SCAP: variants seen among roughly 807,000 people sequenced by gnomAD.
SCAP encodes the protein SREBF chaperone.
In SCAP, 65 loss-of-function variants were observed where a neutral mutation model predicts 123.6. The ratio of observed to expected loss-of-function variants is 0.53; its 90% CI spans 0.43 to 0.65. The LOEUF is 0.65. Ranked by LOEUF, SCAP falls within the 30% of genes least tolerant of loss-of-function variation. The probability of loss-of-function intolerance (pLI) is 0.00; values close to 1 mark genes in which losing one functional copy is unlikely to be tolerated. For synonymous variants in SCAP, 740 were observed against 726.3 expected (o/e 1.02, Z -0.30); for missense variants, 1,398 against 1,712.5 (o/e 0.82, Z 3.24).
intron 1 of SCAP, among the ~76,000 whole-genome samples, chr3:47,473,933 TAG>T (rs1320535634): frequency 6.6e-6 from 1 of 152,034 alleles, no homozygotes; most frequent in African/African-American, 2.4e-5. Context: ...CGGAGATCTC[TAG>T]AGAGGGGGCG....
intron 4 of SCAP, 25 bp from the exon 5 acceptor site, chr3:47,427,692 C>G: frequency 6.2e-7 from 1 of 1,601,472 alleles, no homozygotes. Flanking sequence ...GGACAAGGCA[C>G]CTGCTGTGTC....
At chr3:47,435,575 G>A (rs1706547352) in intron 2 of SCAP, among the ~76,000 whole-genome samples, 1 of 151,302 alleles carries the variant, frequency 6.6e-6, no homozygotes, top group Admixed American at 6.6e-5. Flanking sequence ...AGTGGAGACG[G>A]GGTTTCATCA....
intron 2 of SCAP, among the ~76,000 whole-genome samples, chr3:47,437,483 G>A (rs375612610): frequency 6.7e-6 from 1 of 148,822 alleles, no homozygotes; most frequent in Non-Finnish European, 1.5e-5. Flanking sequence ...GCTCATGCCT[G>A]TAATCCCAGC....
intron 1 of SCAP, among the ~76,000 whole-genome samples, chr3:47,456,636 A>T (rs1707434775): frequency 6.6e-6 from 1 of 151,664 alleles, no homozygotes; most frequent in Non-Finnish European, 1.5e-5. Flanking sequence ...GTGGTGGTAC[A>T]CGCCTGTAGT....
At chr3:47,448,570 T>C (rs1376188417) in intron 1 of SCAP, among the ~76,000 whole-genome samples, 1 of 152,148 alleles carries the variant, frequency 6.6e-6, no homozygotes, top group African/African-American at 2.4e-5. Flanking sequence ...TTTTTCATTT[T>C]ATTTCGATCT....
At chr3:47,468,863 T>TA (rs1707930194) in intron 1 of SCAP, among the ~76,000 whole-genome samples, 1 of 152,224 alleles carries the variant, frequency 6.6e-6, no homozygotes, top group Non-Finnish European at 1.5e-5. Context: ...GTCTAACATT[T>TA]AAGTCTTTAA....
chr3:47,457,167 T>C lies in SCAP; in HGVS notation c.-98-14076A>G, dbSNP rs1300303097. ...CACAAAACACCTGGGAATGGACACA[T>C]GAGAAGTGGCAGCACCAGCAGCCTC... On this transcript the variant is annotated intron_variant, in intron 1 of 22. Coordinates refer to ENST00000265565, the MANE Select transcript of SCAP (RefSeq NM_012235.4). Among the ~76,000 whole-genome samples, 3 of 152,302 alleles carry C rather than the reference T, an allele frequency of 2.0e-5. No homozygotes were observed. The East Asian group carries it at 5.8e-4, about 29-fold the overall frequency.
intron 1 of SCAP, among the ~76,000 whole-genome samples, chr3:47,452,963 G>A (rs1256276016): frequency 6.6e-6 from 1 of 151,946 alleles, no homozygotes; most frequent in East Asian, 1.9e-4. Flanking sequence ...AATTGTGGTG[G>A]CTCATGACTG....
Position 47,417,567 on chromosome 3 carries a change from G to A in SCAP, c.2707C>T (p.Arg903Cys), listed in dbSNP as rs376908189. ...TCATAGCCTGGGGAGTCCCGAGAGC[G>A]GCCACAGACCGCCCGGTGCCGGGGC... ...PEPRHRAVCG[R>C]SRDSPGYDFS... is the part of the protein sequence containing the mutation. Residue 903 changes from arginine (R) to cysteine (C), a missense_variant, in exon 17 of 23, where the codon CGC becomes TGC. Arg to Cys is a radical substitution (Grantham distance 180). Around this residue, in one of 7 missense-constraint regions of SCAP, gnomAD observed 828 missense variants for 882.5 expected, o/e 0.94. Coordinates refer to ENST00000265565, the MANE Select transcript of SCAP (RefSeq NM_012235.4). The A allele has an allele frequency of 6.6e-5, 104 of 1,587,594 alleles. No individual in the cohort carries two copies. Among genetic ancestry groups the A allele is most frequent in the Middle Eastern group, 3.4e-4 (2 of 5,970 alleles).
In SCAP at chr3:47,419,221, G is replaced by T; in HGVS notation, c.1940+107C>A. ...TTCCCACCTCACAACCTTATGAACT[G>T]TTTTAATTATTTGCATAATTCAAAC... On this transcript the variant is annotated intron_variant, in intron 13 of 22. Transcript: ENST00000265565. This position sits in a 1 kb window ranked among gnomAD's most constrained non-coding sequence, Gnocchi z 5.0. 1 of 1,402,884 alleles carries T rather than the reference G, an allele frequency of 7.1e-7. No homozygotes were observed. The highest frequency in any genetic ancestry group is 9.6e-7 in the Non-Finnish European group (1 of 1,038,006). The allele number at this position is 1,402,884 out of a possible 1,614,324, so 86.9% of individuals were successfully genotyped here. A position where few individuals can be genotyped will look rare whatever the true frequency, so the allele number is the denominator to read the frequency against.
chr3:47,417,382 G>A lies in SCAP; in HGVS notation c.2892C>T (p.Pro964=), dbSNP rs763905007. The change falls in exon 17 of 23, where the codon CCC becomes CCT. Residue 964 remains proline, a synonymous_variant. Coordinates refer to ENST00000265565, the MANE Select transcript of SCAP (RefSeq NM_012235.4). ...AGCTCCAGATGGAACCCTCGGCACT[G>A]GGGGCCCAGGCGAGGGAAGGGGAGC... ...EKGSPSLAWA[P]SAEGSIWSLE... 1.2e-6 allele frequency: 2 copies of A among 1,602,390 alleles called. No individual in the cohort carries two copies. Among genetic ancestry groups the A allele is most frequent in the African/African-American group, 2.7e-5 (2 of 74,544 alleles).
At chr3:47,459,909 CA>C in intron 1 of SCAP, among the ~76,000 whole-genome samples, 1 of 152,278 alleles carries the variant, frequency 6.6e-6, no homozygotes, top group South Asian at 2.1e-4. Flanking sequence ...GTCCTTATCT[CA>C]ACCGCATAAG....
intron 1 of SCAP, among the ~76,000 whole-genome samples, chr3:47,463,494 G>C (rs1020419144): frequency 6.6e-6 from 1 of 152,150 alleles, no homozygotes; most frequent in Non-Finnish European, 1.5e-5. Flanking sequence ...TTGAGGTCAG[G>C]AGTTTGAGAC....
intron 1 of SCAP, among the ~76,000 whole-genome samples, chr3:47,456,227 A>T (rs1449797782): frequency 1.3e-5 from 2 of 151,936 alleles, no homozygotes; most frequent in Non-Finnish European, 2.9e-5. Context: ...ACATGGCAAA[A>T]CCCTTCTCTA....
chr3:47,438,115 A>T (rs1278586744), intron 2 of SCAP, among the ~76,000 whole-genome samples: 7 of 152,310 alleles, frequency 4.6e-5, no homozygotes, highest in Middle Eastern at 3.4e-3. Context: ...AGAAACAATT[A>T]AAAAAATTAT....
At chr3:47,457,078 C>A (rs1388122619) in intron 1 of SCAP, among the ~76,000 whole-genome samples, 1 of 152,076 alleles carries the variant, frequency 6.6e-6, no homozygotes, top group African/African-American at 2.4e-5. Flanking sequence ...GAGAAAAAAG[C>A]AAGGGAGCAG....
In SCAP at chr3:47,451,221, C is replaced by A. The variant is rs556086984; in HGVS notation, c.-98-8130G>T. Among the ~76,000 whole-genome samples the A allele has an allele frequency of 1.6e-5, 2 of 123,020 alleles. 1 individual carries two copies. The highest frequency in any genetic ancestry group is 6.1e-4 in the South Asian group (2 of 3,266). 80.7% of individuals were successfully genotyped at this position (123,020 alleles called of 152,430 possible). On this transcript the variant is annotated intron_variant, in intron 1 of 22. Coordinates refer to ENST00000265565, the MANE Select transcript of SCAP (RefSeq NM_012235.4). Reference sequence around the variant, plus strand: ...AAGCACACAAATTATAAGCACACAGCTCCATGAATTACCACCAAGTAAACA... The same window carrying A: ...AAGCACACAAATTATAAGCACACAGATCCATGAATTACCACCAAGTAAACA...
rs950865068 is a variant in SCAP at position 47,420,054 on chromosome 3, C to T, written c.1564-350G>A. Among the ~76,000 whole-genome samples the T allele has an allele frequency of 6.6e-6, 1 of 152,204 alleles. No homozygotes were observed. Among genetic ancestry groups the T allele is most frequent in the African/African-American group, 2.4e-5 (1 of 41,442 alleles). ...TTCCTACGGTCAGAGGGCCAGCAAC[C>T]TGACCTGCTCCAGAGTCCCCCAGAG... On this transcript the variant is annotated intron_variant, in intron 12 of 22. Coordinates refer to ENST00000265565, the MANE Select transcript of SCAP (RefSeq NM_012235.4). The surrounding 1 kb of genome is among the most constrained non-coding windows in gnomAD (Gnocchi z 5.0).
chr3:47,419,598 G>A lies in SCAP; in HGVS notation c.1670C>T (p.Ala557Val). 5 of 1,606,342 alleles carry A rather than the reference G, an allele frequency of 3.1e-6. No homozygotes were observed. The South Asian group carries it at 4.4e-5, about 14-fold the overall frequency. The change falls in exon 13 of 23, where the codon GCC (alanine) becomes GTC (valine). Residue 557 changes from alanine to valine, a missense_variant. Physicochemically the swap from Ala to Val is moderately conservative, Grantham distance 64. This residue lies in a region of SCAP where 828 missense variants were observed against 882.5 expected (regional missense o/e 0.94). Transcript: ENST00000265565. The surrounding 1 kb of genome is among the most constrained non-coding windows in gnomAD (Gnocchi z 5.0). ...VTEQSPLGEGALAPMPVPSGM... is the reference protein window; with the variant it reads ...VTEQSPLGEGVLAPMPVPSGM... ...ACTAGGCACGGGCATGGGAGCCAGG[G>A]CTCCCTCACCCAATGGGCTCTGTTC...
Sources: allele counts gnomAD v4.1 joint callset (sites outside exome capture counted in the v4.1 genomes callset), GRCh38; gene constraint gnomAD v4.1.1; regional missense constraint gnomAD v4.1.1; non-coding constraint Gnocchi (gnomAD v3.1); transcripts MANE v1.5; gene names NCBI Gene and HGNC (gene_info 2026-07-23, HGNC 2026-07-21).